Variants in GRTP1 observed in about 807,000 individuals in gnomAD.
The protein encoded by GRTP1 is growth hormone-regulated TBC protein 1.
In GRTP1, 56 loss-of-function variants were observed where a neutral mutation model predicts 38.1. The ratio of observed to expected loss-of-function variants is 1.47; its 90% CI spans 1.19 to 1.84. The LOEUF (loss-of-function observed/expected upper bound fraction) is 1.84, where lower values mean the gene tolerates loss of function less well. GRTP1 is among the 40% of genes most tolerant of loss of function. GRTP1 has a pLI of 0.00. For missense variants in GRTP1, 506 were observed against 453.9 expected, an observed-to-expected ratio of 1.11 and a Z score of -1.04; for synonymous variants, 217 against 189.5, an observed-to-expected ratio of 1.14 and a Z score of -1.19.
intron 3 of GRTP1, 39 bp from the exon 4 acceptor site, chr13:113,351,012 T>G: frequency 6.2e-7 from 1 of 1,610,538 alleles, no homozygotes; most frequent in Non-Finnish European, 8.5e-7. Flanking sequence ...CGGGTTTCTG[T>G]TCCACAAGCC....
intron 2 of GRTP1, among the ~76,000 whole-genome samples, chr13:113,357,548 T>C (rs2043418571): frequency 6.6e-6 from 1 of 152,106 alleles, no homozygotes; most frequent in Non-Finnish European, 1.5e-5. Context: ...ACACTTGGTT[T>C]ACGGTTTATT....
At chr13:113,331,270 T>A (rs1325635872) in intron 5 of GRTP1, among the ~76,000 whole-genome samples, 1 of 152,182 alleles carries the variant, frequency 6.6e-6, no homozygotes, top group Non-Finnish European at 1.5e-5. Context: ...TTGCTCCTCA[T>A]CTGAGCCACA....
rs952605389 is a variant in GRTP1 at position 113,330,081 on chromosome 13, G to A, written c.563-3990C>T. On this transcript the variant is annotated intron_variant, in intron 5 of 7. Transcript: ENST00000375431. Reference sequence around the variant, plus strand: ...GGTGCGTGCATGGAAACCCGGGTGCGTGCATGGAAACCCGGGTGTGTGCAT... The same window carrying A: ...GGTGCGTGCATGGAAACCCGGGTGCATGCATGGAAACCCGGGTGTGTGCAT... Among the ~76,000 whole-genome samples, 128 of 147,834 alleles carry A rather than the reference G, an allele frequency of 8.7e-4. 1 individual carries two copies. Among genetic ancestry groups the A allele is most frequent in the African/African-American group, 3.1e-3 (119 of 38,836 alleles).
chr13:113,362,598 T>C (rs934676482), intron 2 of GRTP1, among the ~76,000 whole-genome samples: 1 of 152,174 alleles, frequency 6.6e-6, no homozygotes, highest in Non-Finnish European at 1.5e-5. Flanking sequence ...ATTGTGCCAC[T>C]GCACTCAGAG....
chr13:113,351,690 GC>G (rs1265034317), intron 3 of GRTP1: 4 of 152,522 alleles, frequency 2.6e-5, no homozygotes, highest in African/African-American at 9.6e-5. Flanking sequence ...CAAGTGCCAG[GC>G]CTCACTGAAG....
chr13:113,349,342 CCA>C lies in GRTP1; in HGVS notation c.465+1505_465+1506del, dbSNP rs1566434635. On this transcript the variant is annotated intron_variant, in intron 4 of 7. Transcript: ENST00000375431. The surrounding 1 kb of genome is among the most constrained non-coding windows in gnomAD (Gnocchi z 5.0). ...CAGCCGGGACCACAGGCGTGTGCCA[CCA>C]CACCCCGCTAATTTTTAAAAATATT... Among the ~76,000 whole-genome samples the C allele has an allele frequency of 6.6e-6, 1 of 151,458 alleles. No individual in the cohort carries two copies. The highest frequency in any genetic ancestry group is 6.6e-5 in the Admixed American group (1 of 15,180).
chr13:113,332,287 CACACACCACACGT>C (rs1407578534), intron 5 of GRTP1, among the ~76,000 whole-genome samples: 20 of 149,936 alleles, frequency 1.3e-4, no homozygotes, highest in South Asian at 6.3e-4. Context: ...CACGTGCACA[CACACACCACACGT>C]GCACACGCAC....
rs1231051960 is a variant in GRTP1 at position 113,343,628 on chromosome 13, C to T, written c.562+1235G>A. Among the ~76,000 whole-genome samples, 1 of 152,226 alleles carries T rather than the reference C, an allele frequency of 6.6e-6. No individual in the cohort carries two copies. The highest frequency in any genetic ancestry group is 1.5e-5 in the Non-Finnish European group (1 of 68,034). ...CCAGCACGCAAATTCTCCCGGCCTT[C>T]GGTGTCCTCACCCTGGAAATGGGGT... is the stretch of plus-strand genomic sequence containing the variant. On this transcript the variant is annotated intron_variant, in intron 5 of 7. Coordinates refer to ENST00000375431, the MANE Select transcript of GRTP1 (RefSeq NM_024719.4). The surrounding 1 kb of genome is among the most constrained non-coding windows in gnomAD (Gnocchi z 4.8).
chr13:113,343,743 G>C lies in GRTP1; in HGVS notation c.562+1120C>G, dbSNP rs907270960. Among the ~76,000 whole-genome samples the C allele has an allele frequency of 1.6e-4, 25 of 152,226 alleles. No homozygotes were observed. The highest frequency in any genetic ancestry group is 5.2e-4 in the Admixed American group (8 of 15,284). ...CATGCCGTGTGCTCACCAGGCAGGAGCTGGAGCCACACACCCCCAGGCTCC... is the reference window on the plus strand; with the variant it reads ...CATGCCGTGTGCTCACCAGGCAGGACCTGGAGCCACACACCCCCAGGCTCC... On this transcript the variant is annotated intron_variant, in intron 5 of 7. Coordinates refer to ENST00000375431, the MANE Select transcript of GRTP1 (RefSeq NM_024719.4). This position sits in a 1 kb window ranked among gnomAD's most constrained non-coding sequence, Gnocchi z 4.8.
At chr13:113,358,691 G>A (rs1431028414) in intron 2 of GRTP1, among the ~76,000 whole-genome samples, 3 of 152,136 alleles carry the variant, frequency 2.0e-5, no homozygotes, top group African/African-American at 7.2e-5. Flanking sequence ...TGATAAAGAT[G>A]CAAAGGAAAT....
At chr13:113,330,859 G>A (rs1595476570) in intron 5 of GRTP1, among the ~76,000 whole-genome samples, 1 of 1,862 alleles carries the variant, frequency 5.4e-4, no homozygotes, top group African/African-American at 3.6e-3. Flanking sequence ...ACCCAGGTGT[G>A]TGCATGGAAG....
At chr13:113,333,838 A>ATTTATT (rs749095615) in intron 5 of GRTP1, among the ~76,000 whole-genome samples, 20 of 23,596 alleles carry the variant, frequency 8.5e-4, no homozygotes, top group African/African-American at 1.1e-3. Flanking sequence ...TTATTTATTT[A>ATTTATT]GTGTGTGTGT....
At position 113,364,030 on chromosome 13, in the gene GRTP1, G is replaced by T; in HGVS notation, c.22C>A (p.Arg8=). MQPAERS[R]VPRIDPYGFE... ...CCCCGCGCCACACACCTGGGGACCC[G>T]CGAGCGCTCGGCGGGCTGCATGCGG... The change falls in exon 1 of 8, where the codon CGG becomes AGG. Residue 8 remains arginine (R), a synonymous_variant. Coordinates refer to ENST00000375431, the MANE Select transcript of GRTP1 (RefSeq NM_024719.4). 2 of 1,304,196 alleles carry T rather than the reference G, an allele frequency of 1.5e-6. No homozygotes were observed. The highest frequency in any genetic ancestry group is 1.9e-6 in the Non-Finnish European group (2 of 1,030,306). 80.8% of individuals were successfully genotyped at this position (1,304,196 alleles called of 1,614,324 possible). A position where few individuals can be genotyped will look rare whatever the true frequency, so the allele number is the denominator to read the frequency against.
In GRTP1 at chr13:113,334,883, C is replaced by T. The variant is rs374755835; in HGVS notation, c.563-8792G>A. Among the ~76,000 whole-genome samples the T allele has an allele frequency of 3.1e-3, 472 of 152,212 alleles. 4 individuals carry two copies. The highest frequency in any genetic ancestry group is 0.011 in the African/African-American group (448 of 41,532). On this transcript the variant is annotated intron_variant, in intron 5 of 7. Coordinates refer to ENST00000375431, the MANE Select transcript of GRTP1 (RefSeq NM_024719.4). Reference sequence around the variant, plus strand: ...GCCCAGGCTGGATGGAGTGCAGTGGCGCGATCTCGGCTCACTGCAAGCTCC... The same window carrying T: ...GCCCAGGCTGGATGGAGTGCAGTGGTGCGATCTCGGCTCACTGCAAGCTCC...
At chr13:113,355,283 C>A (rs745754804) in intron 3 of GRTP1, 40 bp downstream of exon 3, 2 of 1,603,950 alleles carry the variant, frequency 1.2e-6, no homozygotes, top group African/African-American at 2.7e-5. Context: ...TCCTTCCGGC[C>A]CCCGGGCCCT....
chr13:113,347,602 G>A lies in GRTP1; in HGVS notation c.466-2643C>T, dbSNP rs796258222. ...GACCTCTGTGGCTGAGAACAGACCC[G>A]GGAGGACCTCTGTGGCTGAGAGCGG... is the stretch of plus-strand genomic sequence containing the variant. On this transcript the variant is annotated intron_variant, in intron 4 of 7. Transcript: ENST00000375431. 1.1e-3 allele frequency among the ~76,000 whole-genome samples: 60 copies of A among 55,592 alleles called. 4 individuals carry two copies. The highest frequency in any genetic ancestry group is 3.5e-3 in the African/African-American group (43 of 12,370). 36.5% of individuals were successfully genotyped at this position (55,592 alleles called of 152,430 possible).
rs982520492 is a variant in GRTP1, at chr13:113,348,861, G to C, written c.465+1988C>G. Among the ~76,000 whole-genome samples the C allele has an allele frequency of 1.3e-5, 2 of 152,186 alleles. No homozygotes were observed. Among genetic ancestry groups the C allele is most frequent in the Non-Finnish European group, 2.9e-5 (2 of 68,036 alleles). On this transcript the variant is annotated intron_variant, in intron 4 of 7. Coordinates refer to ENST00000375431, the MANE Select transcript of GRTP1 (RefSeq NM_024719.4). The surrounding 1 kb of genome is among the most constrained non-coding windows in gnomAD (Gnocchi z 4.8). ...CAGATGCCGCGACCTCTGATGCACA[G>C]CTTCCAGAGCTGAGAGAGAATTCGT...
chr13:113,353,644 AGC>A (rs2043326744), intron 3 of GRTP1, among the ~76,000 whole-genome samples: 1 of 151,986 alleles, frequency 6.6e-6, no homozygotes, highest in South Asian at 2.1e-4. Flanking sequence ...CACAGAGACA[AGC>A]GCACAGCGGG....
At chr13:113,325,212 C>T in intron 7 of GRTP1, 1 of 1,132,490 alleles carries the variant, frequency 8.8e-7, no homozygotes, top group Non-Finnish European at 1.1e-6. Context: ...GGCCCCGAGC[C>T]TCCACTCCCT....
Sources: allele counts gnomAD v4.1 joint callset (sites outside exome capture counted in the v4.1 genomes callset), GRCh38; gene constraint gnomAD v4.1.1; non-coding constraint Gnocchi (gnomAD v3.1); transcripts MANE v1.5; gene names NCBI Gene and HGNC (gene_info 2026-07-23, HGNC 2026-07-21).